Variants in MUC5AC observed in about 807,000 individuals in gnomAD.
MUC5AC encodes the protein mucin-5AC.
Under a neutral mutation model 169.7 loss-of-function variants are expected in MUC5AC, and 158 were observed. The ratio of observed to expected loss-of-function variants is 0.93; its 90% CI spans 0.82 to 1.06. The LOEUF is 1.06. MUC5AC is among the 50% of genes least tolerant of loss of function. The pLI is 0.00. For missense variants in MUC5AC, 4,359 were observed against 3,089.9 expected, an observed-to-expected ratio of 1.41 and a Z score of -9.74; for synonymous variants, 1,975 against 1,237.0, an observed-to-expected ratio of 1.60 and a Z score of -12.52.
chr11:1,168,452 C>T (rs370941783), intron 12 of MUC5AC, 31 bp from the exon 13 acceptor site: 323 of 1,606,862 alleles, frequency 2.0e-4, no homozygotes, highest in East Asian at 3.4e-4. Flanking sequence ...AAGCCTGCCC[C>T]GCGCTCACAC....
Position 1,200,842 on chromosome 11 carries a change from AG to A in MUC5AC, c.*143del. On this transcript the variant is annotated 3_prime_UTR_variant, in exon 49 of 49. Coordinates refer to ENST00000621226, the MANE Select transcript of MUC5AC (RefSeq NM_001304359.2). The stretch of plus-strand genomic sequence containing the variant: ...ACTGTCCACGCCCGCTTTCTTGTGG[AG>A]GGTGTGGGCTATGGGTCACCTGCTG... The A allele has an allele frequency of 1.7e-6, 1 of 602,830 alleles. No individual in the cohort carries two copies. The highest frequency in any genetic ancestry group is 3.0e-6 in the Non-Finnish European group (1 of 336,992). The allele number at this position is 602,830 out of a possible 1,614,324, so 37.3% of individuals were successfully genotyped here.
In MUC5AC at chr11:1,167,904, C is replaced by T; in HGVS notation, c.1414C>T (p.Leu472=). Residue 472 remains leucine (L), a synonymous_variant, in exon 12 of 49, where the codon CTG becomes TTG. Coordinates refer to ENST00000621226, the MANE Select transcript of MUC5AC (RefSeq NM_001304359.2). ...KPCDSSAFTV[L]AELRRCGLTD... is the part of the protein sequence containing the mutation. ...CTGTGACAGCAGTGCCTTCACTGTACTGGCTGAGCTGCGCAGGTGCGGGCT... is the reference window on the plus strand; with the variant it reads ...CTGTGACAGCAGTGCCTTCACTGTATTGGCTGAGCTGCGCAGGTGCGGGCT... 6.4e-7 allele frequency: 1 copy of T among 1,550,494 alleles called. No homozygotes were observed. Among genetic ancestry groups the T allele is most frequent in the Non-Finnish European group, 8.7e-7 (1 of 1,147,072 alleles).
chr11:1,197,483 G>C lies in MUC5AC; in HGVS notation c.15877G>C (p.Gly5293Arg). Residue 5293 changes from glycine (G) to arginine (R), a missense_variant, in exon 41 of 49, where the codon GGC (glycine) becomes CGC (arginine). Coordinates refer to ENST00000621226, the MANE Select transcript of MUC5AC (RefSeq NM_001304359.2). Reference sequence around the variant, plus strand: ...TTCCTTGCAGGTGGGCCACACCGTCGGCATGGACTGCCAGGAGTGCACGTG... The same window carrying C: ...TTCCTTGCAGGTGGGCCACACCGTCCGCATGGACTGCCAGGAGTGCACGTG... ...GEPVKVGHTV[G>R]MDCQECTCEA... 6 of 715,460 alleles carry C rather than the reference G, an allele frequency of 8.4e-6. No individual in the cohort carries two copies. Among genetic ancestry groups the C allele is most frequent in the South Asian group, 7.3e-5 (5 of 68,276 alleles). The allele number at this position is 715,460 out of a possible 1,614,324, so 44.3% of individuals were successfully genotyped here.
intron 30 of MUC5AC, among the ~76,000 whole-genome samples, chr11:1,181,725 C>G (rs1218873753): frequency 1.3e-5 from 2 of 152,206 alleles, no homozygotes; most frequent in Non-Finnish European, 2.9e-5. Context: ...CCGGGCCTGG[C>G]CTCATTGGGG....
At position 1,199,937 on chromosome 11, in the gene MUC5AC, C is replaced by T. The variant is rs754482122; in HGVS notation, c.16668C>T (p.Tyr5556=). 1.3e-6 allele frequency: 1 copy of T among 764,080 alleles called. No individual in the cohort carries two copies. 47.3% of individuals were successfully genotyped at this position (764,080 alleles called of 1,614,324 possible). The stretch of plus-strand genomic sequence containing the variant: ...CCTCGGAGCCCGTGCGCCTGGCTTA[C>T]TGCCGGGGGAACTGTGGGGACAGCT... ...CSSSEPVRLA[Y]CRGNCGDSSS... is the part of the protein sequence containing the mutation. The change falls in exon 48 of 49, where the codon TAC becomes TAT. Residue 5556 remains tyrosine, a synonymous_variant. Coordinates refer to ENST00000621226, the MANE Select transcript of MUC5AC (RefSeq NM_001304359.2).
Position 1,174,639 on chromosome 11 carries a change from C to A in MUC5AC, c.2092+17C>A. On this transcript the variant is annotated intron_variant, in intron 17 of 48. Coordinates refer to ENST00000621226, the MANE Select transcript of MUC5AC (RefSeq NM_001304359.2). ...GCGTCTGCAGTGAGTGCCTGCCAAG[C>A]CCAGCCCCTTTCCCTCGCTGGGTGG... The A allele has an allele frequency of 1.0e-6, 1 of 983,988 alleles. No individual in the cohort carries two copies. The highest frequency in any genetic ancestry group is 1.5e-6 in the Non-Finnish European group (1 of 663,008). 61.0% of individuals were successfully genotyped at this position (983,988 alleles called of 1,614,324 possible).
In MUC5AC at chr11:1,185,028, G is replaced by GT. The variant is rs1860898383; in HGVS notation, c.6883_6884insT (p.Ala2295ValfsTer29). 1 of 689,324 alleles carries GT rather than the reference G, an allele frequency of 1.5e-6. No homozygotes were observed. Among genetic ancestry groups the GT allele is most frequent in the African/African-American group, 1.8e-5 (1 of 55,934 alleles). The allele number at this position is 689,324 out of a possible 1,614,324, so 42.7% of individuals were successfully genotyped here. A position where few individuals can be genotyped will look rare whatever the true frequency, so the allele number is the denominator to read the frequency against. Reference sequence around the variant, plus strand: ...TGCTCCTACAACCAGAACAACCTCTGCCTCTCCAGCCAGCACAACCTCTGG... The same window carrying GT: ...TGCTCCTACAACCAGAACAACCTCTGTCCTCTCCAGCCAGCACAACCTCTGG... On this transcript the variant is annotated frameshift_variant, in exon 31 of 49. Transcript: ENST00000621226. LOFTEE classifies it high-confidence loss of function.
rs1282939011 is a variant in MUC5AC at position 1,176,161 on chromosome 11, G to A, written c.2412G>A (p.Ala804=). 12 of 398,686 alleles carry A rather than the reference G, an allele frequency of 3.0e-5. No homozygotes were observed. The highest frequency in any genetic ancestry group is 1.4e-4 in the East Asian group (4 of 28,080). The allele number at this position is 398,686 out of a possible 1,614,324, so 24.7% of individuals were successfully genotyped here. Residue 804 remains alanine (A), a synonymous_variant, in exon 20 of 49, where the codon GCG becomes GCA. Coordinates refer to ENST00000621226, the MANE Select transcript of MUC5AC (RefSeq NM_001304359.2). ...CCCCTCCCTCCCCAGTGTGTGCTGCGCCCATGGTGTTCTTTGACTGCCGAA... is the reference window on the plus strand; with the variant it reads ...CCCCTCCCTCCCCAGTGTGTGCTGCACCCATGGTGTTCTTTGACTGCCGAA... ...GGQAPAPVCA[A]PMVFFDCRNA... is the part of the protein sequence containing the mutation.
rs2133761490 is a variant in MUC5AC, at chr11:1,187,894, A to G, written c.9749A>G (p.Asn3250Ser). The change falls in exon 31 of 49, where the codon AAC becomes AGC. Residue 3250 changes from asparagine to serine, a missense_variant. Asn to Ser is a conservative substitution (Grantham distance 46). Transcript: ENST00000621226. ...GPHGGDKETY[N>S]NIIRSGEKIC... ...CACGGCGGGGACAAGGAAACCTACAACAACATCATCAGGAGTGGGGAAAAA... is the reference window on the plus strand; with the variant it reads ...CACGGCGGGGACAAGGAAACCTACAGCAACATCATCAGGAGTGGGGAAAAA... The G allele has an allele frequency of 1.3e-6, 1 of 760,612 alleles. No homozygotes were observed. Among genetic ancestry groups the G allele is most frequent in the Non-Finnish European group, 2.4e-6 (1 of 415,168 alleles). The allele number at this position is 760,612 out of a possible 1,614,324, so 47.1% of individuals were successfully genotyped here. A position where few individuals can be genotyped will look rare whatever the true frequency, so the allele number is the denominator to read the frequency against.
chr11:1,174,637 A>G lies in MUC5AC; in HGVS notation c.2092+15A>G. ...CGGCGTCTGCAGTGAGTGCCTGCCA[A>G]GCCCAGCCCCTTTCCCTCGCTGGGT... is the stretch of plus-strand genomic sequence containing the variant. On this transcript the variant is annotated intron_variant, in intron 17 of 48. Transcript: ENST00000621226. The G allele has an allele frequency of 9.8e-7, 1 of 1,019,516 alleles. No homozygotes were observed. The highest frequency in any genetic ancestry group is 1.4e-6 in the Non-Finnish European group (1 of 694,650). 63.2% of individuals were successfully genotyped at this position (1,019,516 alleles called of 1,614,324 possible).
At position 1,197,216 on chromosome 11, in the gene MUC5AC, G is replaced by A. The variant is rs371885458; in HGVS notation, c.15862-252G>A. On this transcript the variant is annotated intron_variant, in intron 40 of 48. Transcript: ENST00000621226. ...TTCCCTTCCTTGGGACGCCCCTTCT[G>A]CCCAGCCAAGACTGTGGAGGTGTGA... 2.0e-5 allele frequency among the ~76,000 whole-genome samples: 3 copies of A among 152,168 alleles called. No homozygotes were observed. In the East Asian group the frequency reaches 5.8e-4, roughly 29 times the overall value.
At position 1,186,436 on chromosome 11, in the gene MUC5AC, C is replaced by T. The variant is rs1860948372; in HGVS notation, c.8291C>T (p.Thr2764Ile). ...TSTISASTTS[T>I]TSATTTSTTS... is the part of the protein sequence containing the mutation. Reference sequence around the variant, plus strand: ...ACAATCTCTGCCTCTACCACCAGCACAACCTCTGCGACTACAACCAGCACA... The same window carrying T: ...ACAATCTCTGCCTCTACCACCAGCATAACCTCTGCGACTACAACCAGCACA... The change falls in exon 31 of 49, where the codon ACA becomes ATA. Residue 2764 changes from threonine (T) to isoleucine (I), a missense_variant. Transcript: ENST00000621226. 1 of 701,678 alleles carries T rather than the reference C, an allele frequency of 1.4e-6. No individual in the cohort carries two copies. Among genetic ancestry groups the T allele is most frequent in the Non-Finnish European group, 2.6e-6 (1 of 384,364 alleles). 43.5% of individuals were successfully genotyped at this position (701,678 alleles called of 1,614,324 possible). A position where few individuals can be genotyped will look rare whatever the true frequency, so the allele number is the denominator to read the frequency against.
chr11:1,168,237 C>T (rs1860391378), intron 12 of MUC5AC, among the ~76,000 whole-genome samples: 2 of 152,316 alleles, frequency 1.3e-5, no homozygotes, highest in Middle Eastern at 3.4e-3. Flanking sequence ...GGCGCACCTG[C>T]GGCCAGCATG....
At chr11:1,195,735 G>A in intron 36 of MUC5AC, 141 bp from the exon 37 acceptor site, 1 of 559,900 alleles carries the variant, frequency 1.8e-6, no homozygotes, top group East Asian at 3.0e-5. Flanking sequence ...CCCGTCCGGG[G>A]ATACAGGAGG....
chr11:1,160,729 A>C (rs1035145748), intron 2 of MUC5AC, 40 bp downstream of exon 2: 2 of 1,576,924 alleles, frequency 1.3e-6, no homozygotes, highest in Non-Finnish European at 1.7e-6. Context: ...AGCCTGTCAG[A>C]TTCCACCCTC....
chr11:1,192,858 T>C lies in MUC5AC; in HGVS notation c.14456T>C (p.Val4819Ala), dbSNP rs371320529. Residue 4819 changes from valine (V) to alanine (A), a missense_variant, in exon 32 of 49, where the codon GTC becomes GCC. Physicochemically the swap from Val to Ala is moderately conservative, Grantham distance 64. Coordinates refer to ENST00000621226, the MANE Select transcript of MUC5AC (RefSeq NM_001304359.2). ...YALCSQDCQV[V>A]RGVDSDCPST... ...CTGTGTAGCCAGGACTGCCAAGTGG[T>C]CAGAGGGGTTGACAGTGACTGTCCG... 6 of 764,588 alleles carry C rather than the reference T, an allele frequency of 7.8e-6. No homozygotes were observed. The African/African-American group carries it at 8.5e-5, about 11-fold the overall frequency. The allele number at this position is 764,588 out of a possible 1,614,324, so 47.4% of individuals were successfully genotyped here.
At chr11:1,175,364 C>T (rs1415824822) in intron 19 of MUC5AC, 94 bp downstream of exon 19, 12 of 398,186 alleles carry the variant, frequency 3.0e-5, no homozygotes, top group African/African-American at 8.2e-5. Context: ...CACCACAAGT[C>T]AGCGGGGCTG....
At chr11:1,162,209 TG>T in intron 4 of MUC5AC, 41 bp downstream of exon 4, 1 of 1,592,954 alleles carries the variant, frequency 6.3e-7, no homozygotes, top group South Asian at 1.1e-5. Context: ...ACGCGGCGTG[TG>T]GGGTGGCATT....
At chr11:1,165,795 G>T (rs1217357275) in intron 11 of MUC5AC, 35 bp downstream of exon 11, 18 of 1,608,668 alleles carry the variant, frequency 1.1e-5, no homozygotes, top group Non-Finnish European at 1.4e-5. Flanking sequence ...TCGCCGGACA[G>T]AGGGGGCCCA....
Sources: gnomAD v4.1 joint callset for allele counts (sites outside exome capture counted in the v4.1 genomes callset) on GRCh38, gnomAD v4.1.1 for gene constraint, MANE v1.5 for transcripts, NCBI Gene and HGNC (gene_info 2026-07-23, HGNC 2026-07-21) for gene names.